LRRC1: variants seen among roughly 807,000 people sequenced by gnomAD.
The protein encoded by LRRC1 is leucine rich repeat containing 1, also known as leucine-rich repeat-containing protein 1.
LRRC1 carries 28 observed loss-of-function variants against 69.9 expected under a neutral mutation model. The observed-to-expected ratio is 0.40, with a 90% CI of 0.30 to 0.55. The LOEUF (loss-of-function observed/expected upper bound fraction) is 0.55. LRRC1 is among the 20% of genes least tolerant of loss of function. LRRC1 has a pLI of 0.47. For synonymous variants in LRRC1, 236 were observed against 240.2 expected, an observed-to-expected ratio of 0.98 and a Z score of 0.16; for missense variants, 498 against 609.0, an observed-to-expected ratio of 0.82 and a Z score of 1.92.
intron 1 of LRRC1, among the ~76,000 whole-genome samples, chr6:53,838,759 G>A (rs890744227): frequency 2.0e-5 from 3 of 152,162 alleles, no homozygotes; most frequent in African/African-American, 7.2e-5. Context: ...TCAACTGCAT[G>A]AGTAAAGAAA....
chr6:53,884,781 CTACTG>C (rs1767419425), intron 4 of LRRC1, among the ~76,000 whole-genome samples: 1 of 152,132 alleles, frequency 6.6e-6, no homozygotes, highest in Admixed American at 6.5e-5. Context: ...CTCTCACCCT[CTACTG>C]TACTATTTTA....
chr6:53,811,147 C>T (rs1764782450), intron 1 of LRRC1, among the ~76,000 whole-genome samples: 1 of 152,170 alleles, frequency 6.6e-6, no homozygotes, highest in Non-Finnish European at 1.5e-5. Context: ...GATATGTCCA[C>T]ATTCTCATTG....
chr6:53,832,490 C>T (rs1242118626), intron 1 of LRRC1, among the ~76,000 whole-genome samples: 2 of 152,206 alleles, frequency 1.3e-5, no homozygotes, highest in African/African-American at 4.8e-5. Context: ...TCATGTAATG[C>T]TTTCCTGAGT....
At chr6:53,804,389 A>G (rs1764578574) in intron 1 of LRRC1, among the ~76,000 whole-genome samples, 1 of 152,178 alleles carries the variant, frequency 6.6e-6, no homozygotes, top group Non-Finnish European at 1.5e-5. Flanking sequence ...TGTGGTGAAG[A>G]CATTTAAAAT....
At chr6:53,899,023 G>T (rs1767961603) in intron 7 of LRRC1, among the ~76,000 whole-genome samples, 1 of 152,178 alleles carries the variant, frequency 6.6e-6, no homozygotes, top group Non-Finnish European at 1.5e-5. Context: ...AAGAGGCAGA[G>T]CTGACAGTCA....
chr6:53,826,197 CTTTT>C (rs58959665), intron 1 of LRRC1, among the ~76,000 whole-genome samples: 59,371 of 138,338 alleles, frequency 0.43, 12,625 homozygotes, highest in Middle Eastern at 0.52. Flanking sequence ...ACATATCTGC[CTTTT>C]TTTTTTTTTT....
At chr6:53,902,507 A>G in intron 8 of LRRC1, 122 bp from the exon 9 acceptor site, 1 of 532,110 alleles carries the variant, frequency 1.9e-6, no homozygotes, top group Non-Finnish European at 3.3e-6. Context: ...GAAAAGCTAG[A>G]TGAGGAAAAA....
intron 1 of LRRC1, among the ~76,000 whole-genome samples, chr6:53,841,708 T>C (rs1765795780): frequency 6.6e-6 from 1 of 152,094 alleles, no homozygotes; most frequent in South Asian, 2.1e-4. Flanking sequence ...AAAATGTCTT[T>C]TTAAAATATT....
At chr6:53,884,994 T>G (rs1432259467) in intron 4 of LRRC1, among the ~76,000 whole-genome samples, 1 of 152,194 alleles carries the variant, frequency 6.6e-6, no homozygotes, top group Non-Finnish European at 1.5e-5. Context: ...GATCTTGAAA[T>G]TGACTGATTC....
intron 1 of LRRC1, among the ~76,000 whole-genome samples, chr6:53,813,397 C>A (rs1475233968): frequency 6.6e-6 from 1 of 152,088 alleles, no homozygotes; most frequent in African/African-American, 2.4e-5. Flanking sequence ...GCCAAGTGGG[C>A]AAATTGTAGG....
At chr6:53,906,057 C>A (rs766163869) in intron 10 of LRRC1, among the ~76,000 whole-genome samples, 18 of 152,144 alleles carry the variant, frequency 1.2e-4, no homozygotes, top group Middle Eastern at 6.3e-3. Context: ...GAAAATATTT[C>A]TTTCTTTCTT....
intron 1 of LRRC1, among the ~76,000 whole-genome samples, chr6:53,820,080 C>T (rs979480786): frequency 6.6e-6 from 1 of 152,108 alleles, no homozygotes; most frequent in Non-Finnish European, 1.5e-5. Flanking sequence ...TCACCTTTTT[C>T]AGGTCTAAAT....
chr6:53,795,103 C>A lies in LRRC1; in HGVS notation c.-154C>A. The A allele has an allele frequency of 3.0e-6, 2 of 668,412 alleles. No individual in the cohort carries two copies. The highest frequency in any genetic ancestry group is 4.8e-6 in the Non-Finnish European group (2 of 418,146). The allele number at this position is 668,412 out of a possible 1,614,324, so 41.4% of individuals were successfully genotyped here. A position where few individuals can be genotyped will look rare whatever the true frequency, so the allele number is the denominator to read the frequency against. On this transcript the variant is annotated 5_prime_UTR_variant, in exon 1 of 14. Transcript: ENST00000370888. ...CCGCTCCAGGTTCCTTGAAGCACTTCCGACCGCGAAGCCCGGCGCGAGAAG... is the reference window on the plus strand; with the variant it reads ...CCGCTCCAGGTTCCTTGAAGCACTTACGACCGCGAAGCCCGGCGCGAGAAG...
intron 2 of LRRC1, among the ~76,000 whole-genome samples, chr6:53,860,924 C>T (rs1467893302): frequency 2.0e-5 from 3 of 152,218 alleles, no homozygotes; most frequent in East Asian, 1.9e-4. Flanking sequence ...CGGGAATTAA[C>T]GCAGGAACAG....
intron 2 of LRRC1, among the ~76,000 whole-genome samples, chr6:53,871,429 A>G (rs997334016): frequency 2.4e-4 from 36 of 151,926 alleles, no homozygotes; most frequent in African/African-American, 8.5e-4. Context: ...AGCCATTTGT[A>G]TGTCTTCTTT....
At chr6:53,841,964 C>A in intron 1 of LRRC1, 146 bp from the exon 2 acceptor site, 1 of 557,526 alleles carries the variant, frequency 1.8e-6, no homozygotes, top group East Asian at 3.0e-5. Flanking sequence ...ATCTTCACAA[C>A]TACAGTACTG....
chr6:53,836,519 C>G (rs185087082), intron 1 of LRRC1, among the ~76,000 whole-genome samples: 5 of 152,248 alleles, frequency 3.3e-5, no homozygotes, highest in South Asian at 2.1e-4. Flanking sequence ...TCTCCCTCCT[C>G]CTCTAGATCT....
intron 12 of LRRC1, 72 bp from the exon 13 acceptor site, chr6:53,920,553 G>A: frequency 6.3e-7 from 1 of 1,575,940 alleles, no homozygotes; most frequent in East Asian, 2.2e-5. Flanking sequence ...TACCTTGTCA[G>A]CCGCAAAGTT....
At chr6:53,826,044 T>G (rs1256469076) in intron 1 of LRRC1, among the ~76,000 whole-genome samples, 1 of 151,954 alleles carries the variant, frequency 6.6e-6, no homozygotes, top group Non-Finnish European at 1.5e-5. Context: ...TGCTGGCCTG[T>G]GATGACCATT....
Sources: allele counts gnomAD v4.1 joint callset (sites outside exome capture counted in the v4.1 genomes callset), GRCh38; gene constraint gnomAD v4.1.1; transcripts MANE v1.5; gene names NCBI Gene and HGNC (gene_info 2026-07-23, HGNC 2026-07-21).